The following GIGYF1 variants were observed in gnomAD, a reference collection of about 807,000 sequenced individuals.
GIGYF1 encodes GRB10 interacting GYF protein 1.
GIGYF1 carries 84 observed loss-of-function variants against 147.1 expected under a neutral mutation model. That is an observed-to-expected ratio of 0.57 (90% CI 0.48 to 0.68). The LOEUF (loss-of-function observed/expected upper bound fraction) is 0.68. Among genes scored for constraint, GIGYF1 ranks in the 30% least tolerant of loss-of-function variants. The pLI is 0.00. For missense variants in GIGYF1, 1,485 were observed against 1,393.7 expected, an observed-to-expected ratio of 1.07 and a Z score of -1.04; for synonymous variants, 752 against 589.5, an observed-to-expected ratio of 1.28 and a Z score of -3.99.
chr7:100,684,753 A>G lies in GIGYF1; in HGVS notation c.1432T>C (p.Phe478Leu), dbSNP rs961109816. Residue 478 changes from phenylalanine (F) to leucine (L), a missense_variant, in exon 15 of 27, where the codon TTC becomes CTC. Coordinates refer to ENST00000678049, the MANE Select transcript of GIGYF1 (RefSeq NM_001375765.1). ...ATCTCGCCCTGTGGGTCCTTGTAGA[A>G]CCACTTCCGGGCAGCCCCATGGCTG... ...PLSHGAARKW[F>L]YKDPQGEIQG... 2 of 1,611,934 alleles carry G rather than the reference A, an allele frequency of 1.2e-6. No individual in the cohort carries two copies. Among genetic ancestry groups the G allele is most frequent in the Non-Finnish European group, 1.7e-6 (2 of 1,179,210 alleles).
rs745938422 is a variant in GIGYF1, at chr7:100,683,660, C to T, written c.1970-28G>A. 1.9e-6 allele frequency: 3 copies of T among 1,606,876 alleles called. No homozygotes were observed. The South Asian group carries it at 3.3e-5, about 18-fold the overall frequency. On this transcript the variant is annotated intron_variant, in intron 19 of 26. Coordinates refer to ENST00000678049, the MANE Select transcript of GIGYF1 (RefSeq NM_001375765.1). ...GCAGGGGGCAGGGGGGCAGAGGCGG[C>T]TGCAGGTGGGCACTTGGGCCCACTG...
At position 100,683,183 on chromosome 7, in the gene GIGYF1, C is replaced by G; in HGVS notation, c.2241G>C (p.Ala747=). ...LLLKLLQQQQ[A]VPVPPAPSSP... The stretch of plus-strand genomic sequence containing the variant: ...AGCTGGGTGCGGGGGGCACAGGGAC[C>G]GCCTGCTGCTGCTGTAGCAACTTCA... Residue 747 remains alanine, a synonymous_variant, in exon 22 of 27, where the codon GCG becomes GCC. Coordinates refer to ENST00000678049, the MANE Select transcript of GIGYF1 (RefSeq NM_001375765.1). The G allele has an allele frequency of 6.2e-7, 1 of 1,606,630 alleles. No individual in the cohort carries two copies. Among genetic ancestry groups the G allele is most frequent in the Non-Finnish European group, 8.5e-7 (1 of 1,179,346 alleles).
intron 19 of GIGYF1, 41 bp downstream of exon 19, chr7:100,683,777 C>G (rs201721548): frequency 3.8e-6 from 6 of 1,577,054 alleles, no homozygotes; most frequent in Admixed American, 1.8e-5. Flanking sequence ...CCATTTCACC[C>G]GGAGACTGCC....
intron 1 of GIGYF1, among the ~76,000 whole-genome samples, chr7:100,692,613 G>A (rs1239373104): frequency 6.6e-6 from 1 of 152,188 alleles, no homozygotes; most frequent in East Asian, 1.9e-4. Context: ...AATAGCAGAT[G>A]TAAAAGTTAG....
At position 100,683,090 on chromosome 7, in the gene GIGYF1, C is replaced by A; in HGVS notation, c.2334G>T (p.Gln778His). 1 of 1,587,938 alleles carries A rather than the reference C, an allele frequency of 6.3e-7. No individual in the cohort carries two copies. Among genetic ancestry groups the A allele is most frequent in the Non-Finnish European group, 8.5e-7 (1 of 1,172,716 alleles). ...GLSMKTLLELQLEGERQLHKQ... is the reference protein window; with the variant it reads ...GLSMKTLLELHLEGERQLHKQ... Reference sequence around the variant, plus strand: ...TGTGCAGCTGCCGCTCGCCCTCCAGCTGCAACTCCAGGAGCGTCTTCATGG... The same window carrying A: ...TGTGCAGCTGCCGCTCGCCCTCCAGATGCAACTCCAGGAGCGTCTTCATGG... Residue 778 changes from glutamine (Q) to histidine (H), a missense_variant, in exon 22 of 27, where the codon CAG (glutamine) becomes CAT (histidine). Coordinates refer to ENST00000678049, the MANE Select transcript of GIGYF1 (RefSeq NM_001375765.1).
chr7:100,682,531 G>T, intron 23 of GIGYF1, 49 bp from the exon 24 acceptor site: 1 of 1,598,932 alleles, frequency 6.3e-7, no homozygotes, highest in Non-Finnish European at 8.5e-7. Flanking sequence ...GCAGGGGTTG[G>T]GGGGGTCTGC....
chr7:100,685,550 T>TTGAGTGTGGC (rs1805241781), intron 12 of GIGYF1, 69 bp from the exon 13 acceptor site: 2 of 1,556,910 alleles, frequency 1.3e-6, no homozygotes, highest in East Asian at 2.3e-5. Flanking sequence ...GCACAAGCCC[T>TTGAGTGTGGC]TGAGTGTGGC....
intron 3 of GIGYF1, 72 bp from the exon 4 acceptor site, chr7:100,688,379 G>T: frequency 1.2e-5 from 9 of 769,294 alleles, no homozygotes; most frequent in Non-Finnish European, 2.0e-5. Flanking sequence ...GACACCATGG[G>T]GGACATCCTA....
At chr7:100,693,937 CGG>C (rs1806037008) in intron 1 of GIGYF1, 171 bp downstream of exon 1, 1 of 150,788 alleles carries the variant, frequency 6.6e-6, no homozygotes, top group South Asian at 2.1e-4. Context: ...GAGGACGCAC[CGG>C]GCTGCGGCGG....
chr7:100,685,944 C>T (rs1215773990), intron 12 of GIGYF1, 30 bp downstream of exon 12: 1 of 1,587,812 alleles, frequency 6.3e-7, no homozygotes, highest in Admixed American at 1.7e-5. Context: ...CCGGCCCAGC[C>T]CCAGGCCCGC....
rs144810973 is a variant in GIGYF1 at position 100,682,952 on chromosome 7, C to T, written c.2412+60G>A. ...CTGCACAAGTCTGGGTTCAGTATCC[C>T]CCTCCCTGTGCCACCCTGGAAACTG... On this transcript the variant is annotated intron_variant, in intron 22 of 26. Transcript: ENST00000678049. 5 of 1,378,786 alleles carry T rather than the reference C, an allele frequency of 3.6e-6. No individual in the cohort carries two copies. In the African/African-American group the frequency reaches 4.3e-5, roughly 12 times the overall value. The allele number at this position is 1,378,786 out of a possible 1,614,324, so 85.4% of individuals were successfully genotyped here.
chr7:100,690,907 G>A (rs1805778149), intron 1 of GIGYF1, among the ~76,000 whole-genome samples: 1 of 152,042 alleles, frequency 6.6e-6, no homozygotes, highest in Non-Finnish European at 1.5e-5. Flanking sequence ...TTGGCTGCAA[G>A]GGGCACACAA....
Position 100,684,839 on chromosome 7 carries a change from A to C in GIGYF1, c.1346T>G (p.Phe449Cys). 6.2e-7 allele frequency: 1 copy of C among 1,607,124 alleles called. No homozygotes were observed. The highest frequency in any genetic ancestry group is 1.1e-5 in the South Asian group (1 of 90,538). The change falls in exon 15 of 27, where the codon TTC becomes TGC. Residue 449 changes from phenylalanine (F) to cysteine (C), a missense_variant. Physicochemically the swap from Phe to Cys is radical, Grantham distance 205. Coordinates refer to ENST00000678049, the MANE Select transcript of GIGYF1 (RefSeq NM_001375765.1). ...GCCCTGGGTCTGCATGGCAGCCGTG[A>C]ACTGCTCCTCCTCCAAGGAGCTGTC... ...LQDSSLEEEQ[F>C]TAAMQTQGLR... is the part of the protein sequence containing the mutation.
At chr7:100,691,031 T>A (rs1157426801) in intron 1 of GIGYF1, among the ~76,000 whole-genome samples, 1 of 151,194 alleles carries the variant, frequency 6.6e-6, no homozygotes. Context: ...ACCAGGAGAG[T>A]GAGGTTAACT....
rs1805591254 is a variant in GIGYF1, at chr7:100,688,534, T to C, written c.-134-19A>G. The C allele has an allele frequency of 4.7e-6, 3 of 642,604 alleles. No individual in the cohort carries two copies. The Admixed American group carries it at 6.3e-5, about 13-fold the overall frequency. 39.8% of individuals were successfully genotyped at this position (642,604 alleles called of 1,614,324 possible). On this transcript the variant is annotated intron_variant, in intron 2 of 26. Coordinates refer to ENST00000678049, the MANE Select transcript of GIGYF1 (RefSeq NM_001375765.1). ...GAAAGACCTGGGGGAGGCGAGGAGA[T>C]GGGAAGCTCGAGTCCTTTCGGCCTC... is the stretch of plus-strand genomic sequence containing the variant.
At chr7:100,687,927 T>C (rs1805531714) in intron 5 of GIGYF1, 44 bp from the exon 6 acceptor site, 3 of 1,612,010 alleles carry the variant, frequency 1.9e-6, no homozygotes. Flanking sequence ...TGCTGCCAGA[T>C]CCCCTCCACA....
Position 100,682,587 on chromosome 7 carries a change from C to T in GIGYF1, c.2600+3G>A, listed in dbSNP as rs1428515830. Reference sequence around the variant, plus strand: ...TCCCGGAGCCTCCAGGTGCCACGCCCACCTGAGAGATGGGCTGCTCCGGCT... The same window carrying T: ...TCCCGGAGCCTCCAGGTGCCACGCCTACCTGAGAGATGGGCTGCTCCGGCT... On this transcript the variant is annotated splice_donor_region_variant and intron_variant, in intron 23 of 26. Coordinates refer to ENST00000678049, the MANE Select transcript of GIGYF1 (RefSeq NM_001375765.1). 2.5e-6 allele frequency: 4 copies of T among 1,595,206 alleles called. No individual in the cohort carries two copies. The highest frequency in any genetic ancestry group is 1.7e-4 in the Middle Eastern group (1 of 6,004).
In GIGYF1 at chr7:100,683,924, G is replaced by A. The variant is rs1412339862; in HGVS notation, c.1869-6C>T. 1.3e-6 allele frequency: 2 copies of A among 1,557,204 alleles called. No individual in the cohort carries two copies. The highest frequency in any genetic ancestry group is 1.7e-6 in the Non-Finnish European group (2 of 1,150,528). The stretch of plus-strand genomic sequence containing the variant: ...GCAGGTTCTGGTCCCCGCCTCTGAG[G>A]AGCAAATTGTGGATTCTTAGGACCC... On this transcript the variant is annotated splice_polypyrimidine_tract_variant and splice_region_variant and intron_variant, in intron 18 of 26. Coordinates refer to ENST00000678049, the MANE Select transcript of GIGYF1 (RefSeq NM_001375765.1).
At chr7:100,688,403 T>A in intron 3 of GIGYF1, 48 bp downstream of exon 3, 2 of 718,112 alleles carry the variant, frequency 2.8e-6, no homozygotes, top group South Asian at 3.1e-5. Context: ...GGCACAACAA[T>A]GGGCCCCGGA....
Sources: gnomAD v4.1 joint callset for allele counts (sites outside exome capture counted in the v4.1 genomes callset) on GRCh38, gnomAD v4.1.1 for gene constraint, MANE v1.5 for transcripts, NCBI Gene and HGNC (gene_info 2026-07-23, HGNC 2026-07-21) for gene names.